The following ADCY10 variants were observed in gnomAD, a reference collection of about 807,000 sequenced individuals.
The protein encoded by ADCY10 is adenylate cyclase type 10.
ADCY10 carries 156 observed loss-of-function variants against 183.3 expected under a neutral mutation model. The observed-to-expected ratio is 0.85, with a 90% CI of 0.75 to 0.97. The LOEUF is 0.97. Ranked by LOEUF, ADCY10 falls within the 50% of genes least tolerant of loss-of-function variation. The pLI is 0.00. For synonymous variants in ADCY10, 645 were observed against 670.0 expected, an observed-to-expected ratio of 0.96 and a Z score of 0.58; for missense variants, 1,745 against 1,934.3, an observed-to-expected ratio of 0.90 and a Z score of 1.84.
intron 18 of ADCY10, 74 bp downstream of exon 18, chr1:167,854,279 T>C: frequency 6.3e-7 from 1 of 1,599,266 alleles, no homozygotes; most frequent in Non-Finnish European, 8.6e-7. Context: ...ATAGCTCATT[T>C]TTGCTACCTT....
chr1:167,892,353 G>A (rs1024755849), intron 8 of ADCY10, among the ~76,000 whole-genome samples: 1 of 152,060 alleles, frequency 6.6e-6, no homozygotes, highest in African/African-American at 2.4e-5. Flanking sequence ...AGAGGACTAC[G>A]GTATCTTTAA....
In ADCY10 at chr1:167,901,686, CT is replaced by C; in HGVS notation, c.411del (p.Gly138AlafsTer2). ...CCTATCTTGACTCGGATGTCTAGGC[CT>C]TCTTCCCACTCCTGGGTCTCAAACA... is the stretch of plus-strand genomic sequence containing the variant. ...HGLFETQEWE[E>X]GLDIRVKIGL... On this transcript the variant is annotated frameshift_variant, in exon 5 of 33. Transcript: ENST00000367851. LOFTEE classifies it high-confidence loss of function. 6.2e-7 allele frequency: 1 copy of C among 1,614,174 alleles called. No individual in the cohort carries two copies. Among genetic ancestry groups the C allele is most frequent in the Non-Finnish European group, 8.5e-7 (1 of 1,180,038 alleles).
At chr1:167,845,912 A>T in intron 20 of ADCY10, 59 bp from the exon 21 acceptor site, 1 of 1,614,020 alleles carries the variant, frequency 6.2e-7, no homozygotes, top group South Asian at 1.1e-5. Flanking sequence ...AGCCCCTTCT[A>T]CCTAACATAG....
At chr1:167,869,243 C>G (rs12408992) in intron 14 of ADCY10, among the ~76,000 whole-genome samples, 6,057 of 152,226 alleles carry the variant, frequency 0.04, 398 homozygotes, top group East Asian at 0.27. Flanking sequence ...TTACTGCTCC[C>G]TTGCTTGCTG....
rs763922234 is a variant in ADCY10 at position 167,883,630 on chromosome 1, T to C, written c.829-2A>G. The C allele has an allele frequency of 6.2e-7, 1 of 1,614,210 alleles. No homozygotes were observed. Among genetic ancestry groups the C allele is most frequent in the South Asian group, 1.1e-5 (1 of 91,078 alleles). ...GCCCTGAAGCTGTTTGTTATCAATC[T>C]GCAAAGTAGAGAGCAGCTTTCTGTA... On this transcript the variant is annotated splice_acceptor_variant, in intron 8 of 32. Coordinates refer to ENST00000367851, the MANE Select transcript of ADCY10 (RefSeq NM_018417.6). LOFTEE classifies it high-confidence loss of function.
chr1:167,823,159 G>A, intron 28 of ADCY10, 36 bp from the exon 29 acceptor site: 1 of 1,577,296 alleles, frequency 6.3e-7, no homozygotes. Context: ...ATTAAAAAGT[G>A]GTGGATATTG....
At chr1:167,818,420 A>G (rs776528460) in intron 30 of ADCY10, 153 bp from the exon 31 acceptor site, 1 of 782,470 alleles carries the variant, frequency 1.3e-6, no homozygotes, top group Non-Finnish European at 2.3e-6. Flanking sequence ...TCCCTAAAAA[A>G]GCAGGAAATT....
At chr1:167,823,250 C>A in intron 28 of ADCY10, 127 bp from the exon 29 acceptor site, 2 of 698,476 alleles carry the variant, frequency 2.9e-6, no homozygotes, top group Non-Finnish European at 5.0e-6. Context: ...CATGGTGAAA[C>A]CCCATCTCCA....
At chr1:167,840,124 T>G (rs189491871) in intron 21 of ADCY10, among the ~76,000 whole-genome samples, 1 of 151,722 alleles carries the variant, frequency 6.6e-6, no homozygotes, top group East Asian at 1.9e-4. Context: ...CCCACCTACT[T>G]GGGAGTCTGA....
intron 21 of ADCY10, among the ~76,000 whole-genome samples, chr1:167,838,272 T>C (rs1201565946): frequency 6.6e-6 from 1 of 152,204 alleles, no homozygotes; most frequent in Non-Finnish European, 1.5e-5. Context: ...AGAGATCAAT[T>C]TGGCCACCTC....
intron 8 of ADCY10, among the ~76,000 whole-genome samples, chr1:167,889,179 C>T (rs1444128290): frequency 6.6e-6 from 1 of 152,130 alleles, no homozygotes; most frequent in African/African-American, 2.4e-5. Context: ...CTTTTAGTTT[C>T]TCCCTATTCA....
At chr1:167,866,970 A>G (rs1571345974) in intron 14 of ADCY10, among the ~76,000 whole-genome samples, 1 of 152,316 alleles carries the variant, frequency 6.6e-6, no homozygotes, top group Middle Eastern at 3.4e-3. Flanking sequence ...CTAAACATAA[A>G]GTCCCCCCCA....
At chr1:167,842,747 A>G (rs866910647) in intron 21 of ADCY10, among the ~76,000 whole-genome samples, 5 of 152,218 alleles carry the variant, frequency 3.3e-5, no homozygotes, top group Non-Finnish European at 7.3e-5. Context: ...ATATGACAAT[A>G]TAGGGGAGAG....
At chr1:167,868,796 G>A (rs914368819) in intron 14 of ADCY10, among the ~76,000 whole-genome samples, 1 of 152,098 alleles carries the variant, frequency 6.6e-6, no homozygotes, top group South Asian at 2.1e-4. Flanking sequence ...CAATACTATA[G>A]GCCTGCCACT....
At chr1:167,911,902 A>G (rs1176611503) in intron 1 of ADCY10, among the ~76,000 whole-genome samples, 1 of 152,242 alleles carries the variant, frequency 6.6e-6, no homozygotes, top group Non-Finnish European at 1.5e-5. Flanking sequence ...CAAGGAAAGT[A>G]CATGCATTTT....
chr1:167,891,655 CAAAAA>C (rs774084079), intron 8 of ADCY10, among the ~76,000 whole-genome samples: 1 of 107,712 alleles, frequency 9.3e-6, no homozygotes. Flanking sequence ...GACTCTGTCT[CAAAAA>C]AAAAAAAAAA....
Position 167,905,186 on chromosome 1 carries a change from C to T in ADCY10, c.-46G>A. 6.2e-7 allele frequency: 1 copy of T among 1,608,014 alleles called. No individual in the cohort carries two copies. Among genetic ancestry groups the T allele is most frequent in the Non-Finnish European group, 8.5e-7 (1 of 1,174,606 alleles). On this transcript the variant is annotated 5_prime_UTR_variant, in exon 2 of 33. An upstream open reading frame in the 5' UTR gains an earlier in-frame stop. Transcript: ENST00000367851. ...ATTTTATGGTGACAGGAAGCAGTCT[C>T]CAAATAGGTCTTCTAAAAAGAAAAT...
At chr1:167,871,256 G>A (rs1667086527) in intron 13 of ADCY10, among the ~76,000 whole-genome samples, 1 of 152,038 alleles carries the variant, frequency 6.6e-6, no homozygotes, top group Non-Finnish European at 1.5e-5. Context: ...ACTTAATTCA[G>A]GGCTACAAAA....
chr1:167,900,349 T>C (rs1669313663), intron 5 of ADCY10, among the ~76,000 whole-genome samples: 1 of 152,200 alleles, frequency 6.6e-6, no homozygotes, highest in African/African-American at 2.4e-5. Flanking sequence ...CACTGATGTT[T>C]GGACTTACTC....
Sources: allele counts gnomAD v4.1 joint callset (sites outside exome capture counted in the v4.1 genomes callset), GRCh38; gene constraint gnomAD v4.1.1; transcripts MANE v1.5; gene names NCBI Gene and HGNC (gene_info 2026-07-23, HGNC 2026-07-21).